Variants in CFAP95 observed in about 807,000 individuals in gnomAD.
CFAP95 encodes cilia and flagella associated protein 95.
chr9:69,905,753 C>A, the CFAP95 span, among the ~76,000 whole-genome samples: 1 of 151,812 alleles, frequency 6.6e-6, no homozygotes, highest in African/African-American at 2.4e-5. Context: ...GAATTATATT[C>A]TTTTTTTGGG....
chr9:69,847,778 C>T, the CFAP95 span, among the ~76,000 whole-genome samples: 3 of 152,068 alleles, frequency 2.0e-5, no homozygotes, highest in Non-Finnish European at 2.9e-5. Context: ...GTACATCCAC[C>T]GCACTTTCAT....
At chr9:69,886,149 C>A in the CFAP95 span, among the ~76,000 whole-genome samples, 2 of 152,108 alleles carry the variant, frequency 1.3e-5, no homozygotes, top group African/African-American at 4.8e-5. Context: ...CACTGAGTAG[C>A]CTTCTTCATT....
chr9:69,900,237 C>T, the CFAP95 span, among the ~76,000 whole-genome samples: 450 of 151,904 alleles, frequency 3.0e-3, no homozygotes, highest in African/African-American at 0.01. Flanking sequence ...CTCTTTTCTC[C>T]CCTGAAAAAA....
chr9:69,850,044 A>G, the CFAP95 span, among the ~76,000 whole-genome samples: 1 of 152,146 alleles, frequency 6.6e-6, no homozygotes, highest in Non-Finnish European at 1.5e-5. Context: ...AGGCCCTATC[A>G]CAATCACTTA....
At chr9:69,835,840 G>GC in the CFAP95 span, among the ~76,000 whole-genome samples, 1 of 152,172 alleles carries the variant, frequency 6.6e-6, no homozygotes, top group Non-Finnish European at 1.5e-5. Flanking sequence ...CAATTCCCTT[G>GC]CCCCACATAA....
At chr9:69,844,642 A>G in the CFAP95 span, 1 of 1,566,954 alleles carries the variant, frequency 6.4e-7, no homozygotes, top group Non-Finnish European at 8.7e-7. Flanking sequence ...AGTTGCTATT[A>G]CTTCGTTTGA....
At chr9:69,846,915 A>G in the CFAP95 span, among the ~76,000 whole-genome samples, 1 of 152,218 alleles carries the variant, frequency 6.6e-6, no homozygotes, top group Non-Finnish European at 1.5e-5. Flanking sequence ...GGGACTGAAG[A>G]GTTAAAAGAG....
At chr9:69,852,945 A>G in the CFAP95 span, among the ~76,000 whole-genome samples, 1 of 152,322 alleles carries the variant, frequency 6.6e-6, no homozygotes, top group East Asian at 1.9e-4. Context: ...GCCTTCTGCC[A>G]TGATTATGAG....
the CFAP95 span, chr9:69,821,165 T>C: frequency 2.2e-6 from 2 of 918,526 alleles, no homozygotes; most frequent in Non-Finnish European, 3.0e-6. Context: ...GAAAAAAGAA[T>C]GAGAAAAGTG....
the CFAP95 span, among the ~76,000 whole-genome samples, chr9:69,859,982 G>A: frequency 2.6e-5 from 4 of 152,336 alleles, no homozygotes; most frequent in East Asian, 7.7e-4. Flanking sequence ...CACATGCCAT[G>A]CATGTACCCT....
the CFAP95 span, among the ~76,000 whole-genome samples, chr9:69,901,954 TTTTCATGTG>T: frequency 6.6e-6 from 1 of 152,198 alleles, no homozygotes; most frequent in Non-Finnish European, 1.5e-5. Context: ...GACGAGCATT[TTTTCATGTG>T]TTTTATGGCT....
At chr9:69,848,794 A>G in the CFAP95 span, among the ~76,000 whole-genome samples, 1 of 152,158 alleles carries the variant, frequency 6.6e-6, no homozygotes, top group Non-Finnish European at 1.5e-5. Flanking sequence ...AGTTTTGGCT[A>G]TTATATGGGA....
the CFAP95 span, among the ~76,000 whole-genome samples, chr9:69,861,503 G>T: frequency 1.4e-4 from 22 of 152,142 alleles, no homozygotes; most frequent in African/African-American, 5.1e-4. Flanking sequence ...CCCTACAGAT[G>T]AATAAATTTC....
the CFAP95 span, among the ~76,000 whole-genome samples, chr9:69,874,017 T>A: frequency 2.0e-5 from 3 of 152,174 alleles, no homozygotes; most frequent in Non-Finnish European, 4.4e-5. Flanking sequence ...TAACTACAAC[T>A]GTTAAAGACA....
the CFAP95 span, among the ~76,000 whole-genome samples, chr9:69,860,928 C>T: frequency 4.6e-5 from 7 of 152,204 alleles, no homozygotes; most frequent in East Asian, 3.9e-4. Flanking sequence ...TTCTGGATAC[C>T]TCCTGTAGGA....
the CFAP95 span, among the ~76,000 whole-genome samples, chr9:69,828,755 A>C: frequency 6.6e-6 from 1 of 152,152 alleles, no homozygotes; most frequent in Non-Finnish European, 1.5e-5. Context: ...AAAAATATTC[A>C]CCATGTAACA....
chr9:69,858,959 C>G, the CFAP95 span, among the ~76,000 whole-genome samples: 1 of 152,140 alleles, frequency 6.6e-6, no homozygotes, highest in Non-Finnish European at 1.5e-5. Context: ...CACTTATAAG[C>G]ATGAACAAAT....
chr9:69,891,383 G>A, the CFAP95 span, among the ~76,000 whole-genome samples: 1 of 152,066 alleles, frequency 6.6e-6, no homozygotes, highest in Non-Finnish European at 1.5e-5. Flanking sequence ...TGACTTTCCT[G>A]GGCCCTAAGC....
the CFAP95 span, among the ~76,000 whole-genome samples, chr9:69,862,246 A>C: frequency 6.6e-6 from 1 of 152,204 alleles, no homozygotes; most frequent in African/African-American, 2.4e-5. Flanking sequence ...TAGAGCCAAA[A>C]GTTGTTCTCA....
Sources: gnomAD v4.1 joint callset for allele counts (sites outside exome capture counted in the v4.1 genomes callset) on GRCh38, gnomAD v4.1.1 for gene constraint, MANE v1.5 for transcripts, NCBI Gene and HGNC (gene_info 2026-07-23, HGNC 2026-07-21) for gene names.